ADGRG2: variants seen among roughly 807,000 people sequenced by gnomAD.
The protein encoded by ADGRG2 is adhesion G protein-coupled receptor G2, also known as G protein-coupled receptor 64.
ADGRG2 carries 26 observed loss-of-function variants against 74.1 expected under a neutral mutation model. That is an observed-to-expected ratio of 0.35 (90% CI 0.26 to 0.49). The LOEUF is 0.49. ADGRG2 is among the 20% of genes least tolerant of loss of function. ADGRG2 has a pLI of 0.99. For missense variants in ADGRG2, 619 were observed against 763.1 expected, an observed-to-expected ratio of 0.81 and a Z score of 2.22; for synonymous variants, 296 against 295.2, an observed-to-expected ratio of 1.00 and a Z score of -0.03.
At chrX:19,064,960 T>C (rs779714859) in intron 3 of ADGRG2, among the ~76,000 whole-genome samples, 1 of 110,226 alleles carries the variant, frequency 9.1e-6, no homozygotes, top group African/African-American at 3.3e-5. Flanking sequence ...ACATGGTGAG[T>C]GCTATCAAGG....
intron 20 of ADGRG2, among the ~76,000 whole-genome samples, chrX:19,006,589 G>A (rs1370268679): frequency 9.1e-6 from 1 of 109,836 alleles, no homozygotes; most frequent in Non-Finnish European, 1.9e-5. Context: ...GATGCTGTGG[G>A]TCTGTGGACC....
At chrX:19,040,274 C>CCTT (rs2061030622) in intron 3 of ADGRG2, 50 bp from the exon 4 acceptor site, 1 of 844,766 alleles carries the variant, frequency 1.2e-6, no homozygotes, top group Non-Finnish European at 1.7e-6. Flanking sequence ...GGACTAAAAT[C>CCTT]AATAAAATTG....
At chrX:18,994,129 G>A (rs1314494625) in intron 28 of ADGRG2, among the ~76,000 whole-genome samples, 1 of 112,023 alleles carries the variant, frequency 8.9e-6, no homozygotes, top group Non-Finnish European at 1.9e-5. Context: ...GGGGATTTGG[G>A]TGCTGTCACA....
chrX:19,030,780 A>G (rs2060808961), intron 9 of ADGRG2, among the ~76,000 whole-genome samples: 2 of 112,431 alleles, frequency 1.8e-5, no homozygotes, highest in South Asian at 7.3e-4. Flanking sequence ...AAGTTAATCC[A>G]TCTTCTCACT....
chrX:19,117,040 C>T (rs1052273705), intron 1 of ADGRG2, among the ~76,000 whole-genome samples: 9 of 111,588 alleles, frequency 8.1e-5, no homozygotes, highest in African/African-American at 2.9e-4. Flanking sequence ...GCCCGTAATC[C>T]CAACACTTTG....
At chrX:19,098,329 T>C (rs1569144033) in intron 1 of ADGRG2, among the ~76,000 whole-genome samples, 2 of 111,820 alleles carry the variant, frequency 1.8e-5, no homozygotes, top group Non-Finnish European at 3.8e-5. Flanking sequence ...TTGTAAGCTG[T>C]TTAGCTAAAG....
chrX:19,053,138 C>T (rs2061352355), intron 3 of ADGRG2, among the ~76,000 whole-genome samples: 1 of 111,457 alleles, frequency 9.0e-6, no homozygotes, highest in Non-Finnish European at 1.9e-5. Context: ...ACTCCCCATT[C>T]TCCCTTCCCC....
intron 3 of ADGRG2, among the ~76,000 whole-genome samples, chrX:19,053,625 G>GTCC (rs1414591236): frequency 2.7e-5 from 3 of 112,096 alleles, no homozygotes; most frequent in Non-Finnish European, 5.6e-5. Context: ...ACGAAGATAA[G>GTCC]TGTAACAGGA....
chrX:19,074,138 C>T (rs2061695946), intron 2 of ADGRG2, among the ~76,000 whole-genome samples: 1 of 111,747 alleles, frequency 8.9e-6, no homozygotes, highest in African/African-American at 3.3e-5. Flanking sequence ...AAAATGTCTT[C>T]AGTGTTCCGG....
chrX:18,992,028 G>A (rs750768465), intron 28 of ADGRG2, among the ~76,000 whole-genome samples: 1 of 111,684 alleles, frequency 9.0e-6, no homozygotes, highest in East Asian at 2.8e-4. Flanking sequence ...GTGTGATGTT[G>A]CTTCCAAACT....
At chrX:19,043,931 T>A (rs191852187) in intron 3 of ADGRG2, among the ~76,000 whole-genome samples, 1 of 111,585 alleles carries the variant, frequency 9.0e-6, no homozygotes, top group East Asian at 2.8e-4. Context: ...GATCAGTTCC[T>A]GAACTCAAAA....
intron 15 of ADGRG2, 58 bp downstream of exon 15, chrX:19,019,541 C>T (rs2060541343): frequency 9.5e-6 from 6 of 631,286 alleles, no homozygotes; most frequent in Admixed American, 2.9e-5. Flanking sequence ...CCTTAGCTAG[C>T]ATGGTGATTT....
chrX:19,027,017 A>AAC (rs1344739034), intron 11 of ADGRG2, among the ~76,000 whole-genome samples: 1 of 112,298 alleles, frequency 8.9e-6, no homozygotes, highest in East Asian at 2.8e-4. Flanking sequence ...GCTGTTATAT[A>AAC]ACTTCAGCGC....
chrX:19,093,641 T>G (rs1330010818), intron 1 of ADGRG2, among the ~76,000 whole-genome samples: 2 of 111,031 alleles, frequency 1.8e-5, no homozygotes, highest in Non-Finnish European at 3.8e-5. Flanking sequence ...TTCACTAGAG[T>G]AGGACTCCTC....
intron 2 of ADGRG2, among the ~76,000 whole-genome samples, chrX:19,070,904 G>A (rs1234594067): frequency 1.8e-5 from 2 of 111,989 alleles, no homozygotes; most frequent in Non-Finnish European, 3.8e-5. Context: ...GTTGCGGTGA[G>A]TAAACAAGAA....
intron 2 of ADGRG2, among the ~76,000 whole-genome samples, chrX:19,076,122 T>C (rs972671509): frequency 8.9e-6 from 1 of 112,290 alleles, no homozygotes; most frequent in African/African-American, 3.2e-5. Context: ...CTCTCCTGCA[T>C]GCATGTACCC....
chrX:19,085,489 C>T (rs1014472884), intron 1 of ADGRG2, among the ~76,000 whole-genome samples: 6 of 110,580 alleles, frequency 5.4e-5, no homozygotes, highest in Non-Finnish European at 1.1e-4. Context: ...CAACCATGCT[C>T]GGCTAATTTG....
chrX:19,067,859 A>T lies in ADGRG2; in HGVS notation c.118+858T>A, dbSNP rs773648592. ...AGACACTTCTCCAAAGAAGATATAC[A>T]AGTGGCCAATAAGCACATGAAAAGA... On this transcript the variant is annotated intron_variant, in intron 3 of 28. Coordinates refer to ENST00000379869, the MANE Select transcript of ADGRG2 (RefSeq NM_001079858.3). 3.6e-5 allele frequency among the ~76,000 whole-genome samples: 4 copies of T among 112,383 alleles called. No individual in the cohort carries two copies. In the East Asian group the frequency reaches 1.1e-3, roughly 31 times the overall value.
intron 16 of ADGRG2, among the ~76,000 whole-genome samples, 177 bp from the exon 17 acceptor site, chrX:19,010,955 A>G (rs1263377447): frequency 1.8e-5 from 2 of 112,346 alleles, no homozygotes; most frequent in Non-Finnish European, 3.8e-5. Flanking sequence ...CTTTTTCATA[A>G]TAGTCCCAAA....
Sources: gnomAD v4.1 joint callset for allele counts (sites outside exome capture counted in the v4.1 genomes callset) on GRCh38, gnomAD v4.1.1 for gene constraint, MANE v1.5 for transcripts, NCBI Gene and HGNC (gene_info 2026-07-23, HGNC 2026-07-21) for gene names.